The following CBLB variants were observed in gnomAD, a reference collection of about 807,000 sequenced individuals.
The protein encoded by CBLB is E3 ubiquitin-protein ligase CBL-B.
In CBLB, 31 loss-of-function variants were observed where a neutral mutation model predicts 104.9. The ratio of observed to expected loss-of-function variants is 0.30; its 90% CI spans 0.22 to 0.40. The LOEUF is 0.40. CBLB is among the 10% of genes least tolerant of loss of function. CBLB has a pLI of 1.00. For synonymous variants in CBLB, 440 were observed against 422.6 expected (o/e 1.04, Z -0.51); for missense variants, 1,062 against 1,214.6 (o/e 0.87, Z 1.87).
At chr3:105,804,947 A>G (rs2083323833) in intron 3 of CBLB, among the ~76,000 whole-genome samples, 1 of 152,150 alleles carries the variant, frequency 6.6e-6, no homozygotes, top group African/African-American at 2.4e-5. Context: ...AAGCAACATT[A>G]TATTTATCAG....
At chr3:105,755,125 C>A (rs562099022) in intron 4 of CBLB, among the ~76,000 whole-genome samples, 2 of 151,848 alleles carry the variant, frequency 1.3e-5, no homozygotes, top group East Asian at 3.9e-4. Context: ...TGCGCTGCAC[C>A]CACTAATGTG....
intron 10 of CBLB, among the ~76,000 whole-genome samples, chr3:105,718,244 G>C (rs1054921738): frequency 2.6e-5 from 4 of 152,170 alleles, no homozygotes; most frequent in African/African-American, 9.7e-5. Context: ...CAGGATTAAA[G>C]AGTGAAATCG....
intron 5 of CBLB, 137 bp downstream of exon 5, chr3:105,751,325 T>A: frequency 1.4e-6 from 1 of 735,470 alleles, no homozygotes; most frequent in Non-Finnish European, 2.4e-6. Context: ...AATTACAGAC[T>A]AATAGGAATG....
chr3:105,776,607 G>T, intron 3 of CBLB, 65 bp from the exon 4 acceptor site: 1 of 1,378,190 alleles, frequency 7.3e-7, no homozygotes, highest in Non-Finnish European at 1.0e-6. Context: ...AAATTTTTAT[G>T]GTAATATATA....
At chr3:105,806,648 C>T (rs1310530825) in intron 3 of CBLB, among the ~76,000 whole-genome samples, 1 of 152,036 alleles carries the variant, frequency 6.6e-6, no homozygotes, top group East Asian at 1.9e-4. Flanking sequence ...GGGAAGTAGG[C>T]ATGTCATACC....
intron 13 of CBLB, among the ~76,000 whole-genome samples, chr3:105,691,327 T>C (rs552299353): frequency 7.7e-4 from 118 of 152,340 alleles, no homozygotes; most frequent in South Asian, 7.7e-3. Context: ...AGTGAAACAA[T>C]TGCACTGTTT....
intron 4 of CBLB, among the ~76,000 whole-genome samples, chr3:105,773,602 CT>C (rs1197177225): frequency 1.3e-5 from 2 of 152,106 alleles, no homozygotes; most frequent in African/African-American, 4.8e-5. Context: ...TGATGTGCTT[CT>C]TTTTTTAACG....
intron 9 of CBLB, among the ~76,000 whole-genome samples, chr3:105,723,680 T>C (rs144255620): frequency 1.4e-4 from 22 of 152,234 alleles, no homozygotes; most frequent in Admixed American, 1.3e-3. Context: ...CAAATGAATA[T>C]TGTTAGTACC....
chr3:105,765,838 T>TAACACA (rs1489298449), intron 4 of CBLB, among the ~76,000 whole-genome samples: 1 of 152,208 alleles, frequency 6.6e-6, no homozygotes, highest in Non-Finnish European at 1.5e-5. Context: ...TCATGTCTTC[T>TAACACA]AACACAGTAC....
chr3:105,681,862 C>T (rs2066361869), intron 14 of CBLB, 44 bp from the exon 15 acceptor site: 1 of 1,137,854 alleles, frequency 8.8e-7, no homozygotes, highest in Admixed American at 1.7e-5. Flanking sequence ...AGAATACTTT[C>T]CAATTAAAAG....
At chr3:105,719,055 TCAA>T (rs1236874976) in intron 10 of CBLB, among the ~76,000 whole-genome samples, 1 of 152,148 alleles carries the variant, frequency 6.6e-6, no homozygotes, top group Non-Finnish European at 1.5e-5. Context: ...TTTTTGTGAG[TCAA>T]CAACATTAAT....
intron 6 of CBLB, among the ~76,000 whole-genome samples, chr3:105,743,413 T>C (rs1220397645): frequency 1.4e-5 from 2 of 147,766 alleles, no homozygotes; most frequent in Non-Finnish European, 3.0e-5. Context: ...TGAGCCCAGA[T>C]AGTACCACTG....
rs1262318604 is a variant in CBLB, at chr3:105,853,564, C to T, written c.269G>A (p.Ser90Asn). The T allele has an allele frequency of 6.2e-6, 10 of 1,613,116 alleles. No individual in the cohort carries two copies. Among genetic ancestry groups the T allele is most frequent in the Non-Finnish European group, 6.8e-6 (8 of 1,179,346 alleles). ...DTYQHLRLILSKYDDNQKLAQ... is the reference protein window; with the variant it reads ...DTYQHLRLILNKYDDNQKLAQ... ...AAGTTTCTGGTTGTCATCATATTTACTCAATATAAGTCGTAAATGCTGATA... is the reference window on the plus strand; with the variant it reads ...AAGTTTCTGGTTGTCATCATATTTATTCAATATAAGTCGTAAATGCTGATA... Residue 90 changes from serine to asparagine, a missense_variant, in exon 3 of 19, where the codon AGT becomes AAT. Ser to Asn is a conservative substitution (Grantham distance 46, BLOSUM62 1). Around this residue, in one of 2 missense-constraint regions of CBLB, gnomAD observed 457 missense variants for 632.0 expected, o/e 0.72. Transcript: ENST00000394030.
chr3:105,770,067 T>C (rs978016179), intron 4 of CBLB, among the ~76,000 whole-genome samples: 6 of 152,014 alleles, frequency 3.9e-5, no homozygotes, highest in Admixed American at 3.3e-4. Context: ...CTAAATCTTC[T>C]CAATGCTAAT....
At chr3:105,746,210 ATTG>A (rs976397203) in intron 5 of CBLB, among the ~76,000 whole-genome samples, 172 bp from the exon 6 acceptor site, 1 of 152,190 alleles carries the variant, frequency 6.6e-6, no homozygotes, top group African/African-American at 2.4e-5. Context: ...GTTCAAGTCT[ATTG>A]TTCTTTACAG....
chr3:105,675,660 G>C (rs1309836170), intron 17 of CBLB, among the ~76,000 whole-genome samples: 1 of 152,044 alleles, frequency 6.6e-6, no homozygotes, highest in Non-Finnish European at 1.5e-5. Flanking sequence ...GAAGCAGGGG[G>C]ATCACATAAG....
In CBLB at chr3:105,868,972, C is replaced by G; in HGVS notation, c.-251G>C. ...CCCGACTCGGGGAGGCCGCGGGACG[C>G]CGCAGCAGCACTAGCAGGAGGAGGA... On this transcript the variant is annotated 5_prime_UTR_variant, in exon 1 of 19. Transcript: ENST00000394030. 1 of 1,028,574 alleles carries G rather than the reference C, an allele frequency of 9.7e-7. No homozygotes were observed. The highest frequency in any genetic ancestry group is 1.2e-6 in the Non-Finnish European group (1 of 857,676). 63.7% of individuals were successfully genotyped at this position (1,028,574 alleles called of 1,614,324 possible). A position where few individuals can be genotyped will look rare whatever the true frequency, so the allele number is the denominator to read the frequency against.
chr3:105,667,538 A>G (rs1211233137), intron 18 of CBLB, among the ~76,000 whole-genome samples: 2 of 152,202 alleles, frequency 1.3e-5, no homozygotes, highest in Non-Finnish European at 2.9e-5. Context: ...TGGACTACCT[A>G]TGATACGTTC....
chr3:105,801,295 C>T (rs1034310089), intron 3 of CBLB, among the ~76,000 whole-genome samples: 46 of 152,182 alleles, frequency 3.0e-4, no homozygotes, highest in African/African-American at 1.1e-3. Context: ...TAAAATGATA[C>T]TTAATCACTG....
Sources: allele counts gnomAD v4.1 joint callset (sites outside exome capture counted in the v4.1 genomes callset), GRCh38; gene constraint gnomAD v4.1.1; regional missense constraint gnomAD v4.1.1; transcripts MANE v1.5; gene names NCBI Gene and HGNC (gene_info 2026-07-23, HGNC 2026-07-21).